CCDC91: variants seen among roughly 807,000 people sequenced by gnomAD.
CCDC91 encodes the protein coiled-coil domain containing 91.
A neutral mutation model predicts 63.2 loss-of-function variants in CCDC91; 48 were observed. That is an observed-to-expected ratio of 0.76 (90% CI 0.60 to 0.97). The LOEUF is 0.97. Ranked by LOEUF, CCDC91 falls within the 50% of genes least tolerant of loss-of-function variation. CCDC91 has a pLI of 0.00. For synonymous variants in CCDC91, 167 were observed against 165.8 expected, an observed-to-expected ratio of 1.01 and a Z score of -0.06; for missense variants, 500 against 494.6, an observed-to-expected ratio of 1.01 and a Z score of -0.10.
intron 8 of CCDC91, among the ~76,000 whole-genome samples, chr12:28,427,836 T>C (rs967072637): frequency 4.6e-5 from 7 of 152,160 alleles, no homozygotes; most frequent in African/African-American, 1.7e-4. Flanking sequence ...AACTAGAAAA[T>C]ATATCTAAAT....
intron 1 of CCDC91, among the ~76,000 whole-genome samples, chr12:28,195,274 T>C (rs956100344): frequency 1.3e-5 from 2 of 152,124 alleles, no homozygotes; most frequent in Non-Finnish European, 2.9e-5. Flanking sequence ...ACAGAAAAGT[T>C]CTCCAAGTCC....
At chr12:28,462,215 T>C (rs1950340533) in intron 11 of CCDC91, among the ~76,000 whole-genome samples, 1 of 152,064 alleles carries the variant, frequency 6.6e-6, no homozygotes, top group Admixed American at 6.6e-5. Flanking sequence ...GCAAATACTA[T>C]GCAAAAACCA....
intron 1 of CCDC91, among the ~76,000 whole-genome samples, chr12:28,223,396 A>G (rs1460561515): frequency 2.6e-5 from 4 of 152,024 alleles, no homozygotes; most frequent in Admixed American, 2.0e-4. Flanking sequence ...TCATCTTTGC[A>G]TTATACTCTA....
At chr12:28,423,721 C>T (rs1394729221) in intron 8 of CCDC91, among the ~76,000 whole-genome samples, 1 of 151,964 alleles carries the variant, frequency 6.6e-6, no homozygotes, top group African/African-American at 2.4e-5. Context: ...AGCCATACAA[C>T]ATGTATTTAA....
intron 12 of CCDC91, among the ~76,000 whole-genome samples, chr12:28,522,964 T>C (rs1940876374): frequency 6.6e-6 from 1 of 152,194 alleles, no homozygotes; most frequent in Non-Finnish European, 1.5e-5. Flanking sequence ...TCTGTTCTTT[T>C]ACATTTGCTG....
At chr12:28,350,495 A>G (rs560851855) in intron 6 of CCDC91, among the ~76,000 whole-genome samples, 1 of 152,328 alleles carries the variant, frequency 6.6e-6, no homozygotes, top group South Asian at 2.1e-4. Context: ...ACACTGGACA[A>G]AGTAGAAGTT....
At chr12:28,314,166 T>C (rs1285800664) in intron 6 of CCDC91, among the ~76,000 whole-genome samples, 1 of 84,270 alleles carries the variant, frequency 1.2e-5, no homozygotes, top group Non-Finnish European at 2.3e-5. Flanking sequence ...GCTTGATTAT[T>C]TGGCTTGAAA....
chr12:28,409,263 C>A (rs1195673787), intron 8 of CCDC91, among the ~76,000 whole-genome samples: 1 of 152,016 alleles, frequency 6.6e-6, no homozygotes, highest in Non-Finnish European at 1.5e-5. Flanking sequence ...TCTTTCTATT[C>A]CTAGTTTTTA....
At chr12:28,531,316 A>G (rs527573131) in intron 12 of CCDC91, among the ~76,000 whole-genome samples, 110 of 152,330 alleles carry the variant, frequency 7.2e-4, no homozygotes, top group South Asian at 5.0e-3. Flanking sequence ...TGAAGATTTT[A>G]TGATAAAAAT....
intron 5 of CCDC91, 74 bp from the exon 6 acceptor site, chr12:28,307,571 A>G: frequency 2.7e-6 from 2 of 731,112 alleles, no homozygotes; most frequent in Non-Finnish European, 4.5e-6. Flanking sequence ...GTTTTCTGAC[A>G]TGTTCATTGA....
intron 6 of CCDC91, among the ~76,000 whole-genome samples, chr12:28,337,979 C>T (rs1223633717): frequency 1.3e-5 from 2 of 151,998 alleles, no homozygotes; most frequent in African/African-American, 4.8e-5. Context: ...TAATGAGCAC[C>T]AGCTCACCAG....
At chr12:28,201,889 G>A (rs193063918) in intron 1 of CCDC91, among the ~76,000 whole-genome samples, 2 of 146,208 alleles carry the variant, frequency 1.4e-5, no homozygotes, top group South Asian at 2.2e-4. Context: ...CCAGTGAGGC[G>A]TGGCGTCGCG....
At chr12:28,426,010 C>A (rs1948295351) in intron 8 of CCDC91, among the ~76,000 whole-genome samples, 1 of 152,176 alleles carries the variant, frequency 6.6e-6, no homozygotes, top group Non-Finnish European at 1.5e-5. Context: ...TTCTATTCTG[C>A]TCCTGTAGTC....
At chr12:28,208,098 A>G (rs911542670) in intron 1 of CCDC91, among the ~76,000 whole-genome samples, 1 of 152,194 alleles carries the variant, frequency 6.6e-6, no homozygotes, top group Non-Finnish European at 1.5e-5. Context: ...CCCAGTTCAA[A>G]TGACATGATT....
At chr12:28,294,705 T>G (rs1289642122) in intron 3 of CCDC91, among the ~76,000 whole-genome samples, 1 of 151,970 alleles carries the variant, frequency 6.6e-6, no homozygotes, top group Non-Finnish European at 1.5e-5. Flanking sequence ...TTGCCTCAGC[T>G]TCCCGAGTAG....
chr12:28,365,059 T>C (rs181974705), intron 7 of CCDC91, among the ~76,000 whole-genome samples: 2 of 152,328 alleles, frequency 1.3e-5, no homozygotes, highest in African/African-American at 2.4e-5. Flanking sequence ...ATCCTTTGAC[T>C]ATAAACTGAC....
At chr12:28,384,004 T>C (rs1457649175) in intron 7 of CCDC91, among the ~76,000 whole-genome samples, 3 of 152,114 alleles carry the variant, frequency 2.0e-5, no homozygotes, top group African/African-American at 4.8e-5. Flanking sequence ...CCAAATTGGC[T>C]AAAGATATAT....
intron 7 of CCDC91, among the ~76,000 whole-genome samples, chr12:28,374,011 A>T (rs1944789466): frequency 6.6e-6 from 1 of 152,142 alleles, no homozygotes; most frequent in African/African-American, 2.4e-5. Context: ...TGAATCAATT[A>T]AACCTCTTTT....
At chr12:28,198,685 GATTT>G (rs1241495634) in intron 1 of CCDC91, among the ~76,000 whole-genome samples, 7 of 152,134 alleles carry the variant, frequency 4.6e-5, no homozygotes, top group Non-Finnish European at 8.8e-5. Context: ...ATGCAGAAGA[GATTT>G]ATTTCTCTTT....
Sources: allele counts gnomAD v4.1 joint callset (sites outside exome capture counted in the v4.1 genomes callset), GRCh38; gene constraint gnomAD v4.1.1; transcripts MANE v1.5; gene names NCBI Gene and HGNC (gene_info 2026-07-23, HGNC 2026-07-21).